SPIDR: variants seen among roughly 807,000 people sequenced by gnomAD.
SPIDR encodes the protein DNA repair-scaffolding protein.
SPIDR carries 93 observed loss-of-function variants against 104.6 expected under a neutral mutation model. The ratio of observed to expected loss-of-function variants is 0.89; its 90% CI spans 0.75 to 1.06. The LOEUF is 1.06. Ranked by LOEUF, SPIDR falls within the 50% of genes least tolerant of loss-of-function variation. The pLI is 0.00. For synonymous variants in SPIDR, 431 were observed against 416.9 expected, an observed-to-expected ratio of 1.03 and a Z score of -0.41; for missense variants, 1,154 against 1,111.2, an observed-to-expected ratio of 1.04 and a Z score of -0.55.
At chr8:47,717,635 TTAGTG>T (rs1363676607) in intron 16 of SPIDR, among the ~76,000 whole-genome samples, 1 of 152,180 alleles carries the variant, frequency 6.6e-6, no homozygotes, top group East Asian at 1.9e-4. Flanking sequence ...CTCATGTGAC[TTAGTG>T]CAGTGACCTC....
intron 5 of SPIDR, among the ~76,000 whole-genome samples, chr8:47,319,221 C>G (rs1292749786): frequency 6.6e-6 from 1 of 152,080 alleles, no homozygotes; most frequent in African/African-American, 2.4e-5. Flanking sequence ...AGAAGACACA[C>G]ACAGGCTCAA....
intron 7 of SPIDR, among the ~76,000 whole-genome samples, chr8:47,411,586 T>A (rs1554671608): frequency 1.3e-5 from 2 of 152,214 alleles, no homozygotes; most frequent in Non-Finnish European, 1.5e-5. Flanking sequence ...TGCGAAAGTT[T>A]TCTCCCATTC....
chr8:47,600,037 C>T (rs1336468416), intron 10 of SPIDR, among the ~76,000 whole-genome samples: 11 of 152,102 alleles, frequency 7.2e-5, no homozygotes, highest in African/African-American at 2.7e-4. Flanking sequence ...GTATTACTGG[C>T]GTGAGCCACC....
chr8:47,612,837 T>G (rs1430753507), intron 10 of SPIDR, among the ~76,000 whole-genome samples: 4 of 152,222 alleles, frequency 2.6e-5, no homozygotes, highest in African/African-American at 9.6e-5. Context: ...CATTTATATG[T>G]GTCCGCTTTA....
At chr8:47,527,166 A>G (rs868620145) in intron 8 of SPIDR, among the ~76,000 whole-genome samples, 1 of 152,152 alleles carries the variant, frequency 6.6e-6, no homozygotes, top group African/African-American at 2.4e-5. Context: ...GGGGGAAGGG[A>G]AAGGTAGCCA....
chr8:47,407,990 T>C, intron 7 of SPIDR, 29 bp downstream of exon 7: 2 of 1,244,972 alleles, frequency 1.6e-6, no homozygotes, highest in Non-Finnish European at 2.2e-6. Flanking sequence ...TCTGAGACAA[T>C]GTGTAAAAAA....
At chr8:47,461,251 T>C (rs1554713316) in intron 8 of SPIDR, among the ~76,000 whole-genome samples, 1 of 152,216 alleles carries the variant, frequency 6.6e-6, no homozygotes, top group African/African-American at 2.4e-5. Context: ...TTACAAATGT[T>C]TAGATTTTTC....
At chr8:47,559,866 A>G (rs1376567289) in intron 8 of SPIDR, among the ~76,000 whole-genome samples, 3 of 152,256 alleles carry the variant, frequency 2.0e-5, no homozygotes, top group African/African-American at 2.4e-5. Context: ...ACAAACACAA[A>G]CAGAAACTGA....
intron 8 of SPIDR, among the ~76,000 whole-genome samples, chr8:47,497,254 GGTTTT>G (rs1358017086): frequency 6.6e-6 from 1 of 151,612 alleles, no homozygotes; most frequent in African/African-American, 2.4e-5. Flanking sequence ...GCGTGCTTTG[GGTTTT>G]GTTTTTTCTT....
At position 47,563,810 on chromosome 8, in the gene SPIDR, A is replaced by G. The variant is rs570120122; in HGVS notation, c.1098-32001A>G. Among the ~76,000 whole-genome samples, 70 of 152,276 alleles carry G rather than the reference A, an allele frequency of 4.6e-4. 3 individuals are homozygous for G. In the South Asian group the frequency reaches 0.014, roughly 31 times the overall value. ...TTAAGTCAGGTATTTGAGTTATAGG[A>G]CATCTGTGTGGGATTAATACCTATG... On this transcript the variant is annotated intron_variant, in intron 8 of 19. Transcript: ENST00000297423.
At chr8:47,505,991 A>G (rs988060828) in intron 8 of SPIDR, among the ~76,000 whole-genome samples, 5 of 152,076 alleles carry the variant, frequency 3.3e-5, no homozygotes, top group African/African-American at 1.2e-4. Flanking sequence ...CTGACTCATC[A>G]TTTTCTGAAT....
intron 8 of SPIDR, among the ~76,000 whole-genome samples, chr8:47,554,908 T>C (rs1324172493): frequency 6.6e-6 from 1 of 152,232 alleles, no homozygotes; most frequent in Non-Finnish European, 1.5e-5. Context: ...TAAATACATA[T>C]TGCACAGTTA....
At chr8:47,657,180 A>G (rs2072983617) in intron 10 of SPIDR, among the ~76,000 whole-genome samples, 1 of 152,226 alleles carries the variant, frequency 6.6e-6, no homozygotes, top group African/African-American at 2.4e-5. Context: ...TTTTGCTACA[A>G]TATAAACAGG....
chr8:47,650,813 A>C (rs1417205746), intron 10 of SPIDR, among the ~76,000 whole-genome samples: 2 of 152,284 alleles, frequency 1.3e-5, no homozygotes, highest in Non-Finnish European at 2.9e-5. Context: ...CTTACAGTTA[A>C]TAGGTCTTCA....
rs919338935 is a variant in SPIDR, at chr8:47,560,720, C to A, written c.1098-35091C>A. ...TGACTTTCATAATCAGAAAATACTT[C>A]TTTTGCCTTGCTGTTCTCCTATCCT... On this transcript the variant is annotated intron_variant, in intron 8 of 19. Coordinates refer to ENST00000297423, the MANE Select transcript of SPIDR (RefSeq NM_001080394.4). Among the ~76,000 whole-genome samples the A allele has an allele frequency of 2.6e-5, 4 of 152,242 alleles. No homozygotes were observed. In the East Asian group the frequency reaches 7.7e-4, roughly 29 times the overall value.
intron 5 of SPIDR, chr8:47,330,689 CTT>C (rs2048508371): frequency 4.5e-6 from 2 of 442,678 alleles, no homozygotes; most frequent in Non-Finnish European, 9.1e-6. Flanking sequence ...AGCTTGATAA[CTT>C]ATTTCTTTTC....
At chr8:47,543,973 G>A (rs981142933) in intron 8 of SPIDR, among the ~76,000 whole-genome samples, 2 of 152,108 alleles carry the variant, frequency 1.3e-5, no homozygotes, top group African/African-American at 4.8e-5. Flanking sequence ...ACTCCTTAGG[G>A]AAGAATTCTG....
chr8:47,439,611 A>G (rs1278478762), intron 7 of SPIDR, among the ~76,000 whole-genome samples: 1 of 152,162 alleles, frequency 6.6e-6, no homozygotes, highest in African/African-American at 2.4e-5. Context: ...GTACCTACCT[A>G]AGATTTCTGG....
chr8:47,346,554 C>T (rs1392798074), intron 5 of SPIDR, among the ~76,000 whole-genome samples: 1 of 152,162 alleles, frequency 6.6e-6, no homozygotes, highest in Non-Finnish European at 1.5e-5. Context: ...GCCAGCTCCT[C>T]TTTGTACCTC....
Sources: allele counts gnomAD v4.1 joint callset (sites outside exome capture counted in the v4.1 genomes callset), GRCh38; gene constraint gnomAD v4.1.1; transcripts MANE v1.5; gene names NCBI Gene and HGNC (gene_info 2026-07-23, HGNC 2026-07-21).